ZFHX3: variants seen among roughly 807,000 people sequenced by gnomAD.
ZFHX3 encodes zinc finger homeobox protein 3.
ZFHX3 carries 42 observed loss-of-function variants against 279.1 expected under a neutral mutation model. The ratio of observed to expected loss-of-function variants is 0.15; its 90% CI spans 0.12 to 0.19. ZFHX3 has a LOEUF of 0.19. ZFHX3 is among the 10% of genes least tolerant of loss of function. The pLI is 1.00. For synonymous variants in ZFHX3, 2,293 were observed against 1,957.8 expected, an observed-to-expected ratio of 1.17 and a Z score of -4.52; for missense variants, 4,981 against 4,754.0, an observed-to-expected ratio of 1.05 and a Z score of -1.40.
At chr16:73,690,875 C>T (rs2053143406) in intron 1 of ZFHX3, among the ~76,000 whole-genome samples, 1 of 152,202 alleles carries the variant, frequency 6.6e-6, no homozygotes, top group African/African-American at 2.4e-5. Context: ...ACCAATAGCA[C>T]TGCCCAGACA....
At chr16:73,500,558 C>T (rs2019218278) in intron 2 of ZFHX3, among the ~76,000 whole-genome samples, 1 of 151,668 alleles carries the variant, frequency 6.6e-6, no homozygotes, top group Non-Finnish European at 1.5e-5. Flanking sequence ...AACTCCTGGG[C>T]TCAAGTAATC....
rs564422019 is a variant in ZFHX3, at chr16:73,187,141, G to T, written c.-1103-43310C>A. Among the ~76,000 whole-genome samples the T allele has an allele frequency of 1.8e-4, 17 of 91,896 alleles. No individual in the cohort carries two copies. In the East Asian group the frequency reaches 4.3e-3, roughly 23 times the overall value. The allele number at this position is 91,896 out of a possible 152,430, so 60.3% of individuals were successfully genotyped here. On this transcript the variant is annotated intron_variant, in intron 5 of 17. Transcript: ENST00000641206. ...AGGCGGGGGGATGGACAAGTTGTATGTCTCACACACACACACACACACACA... is the reference window on the plus strand; with the variant it reads ...AGGCGGGGGGATGGACAAGTTGTATTTCTCACACACACACACACACACACA...
chr16:73,220,697 G>A (rs1475336360), intron 5 of ZFHX3, among the ~76,000 whole-genome samples: 1 of 152,144 alleles, frequency 6.6e-6, no homozygotes, highest in Admixed American at 6.6e-5. Flanking sequence ...TATGTACCCT[G>A]CACTTTGCTT....
intron 2 of ZFHX3, among the ~76,000 whole-genome samples, chr16:73,622,565 A>AAAAGAAAG (rs143963139): frequency 8.9e-4 from 134 of 151,404 alleles, no homozygotes; most frequent in African/African-American, 3.1e-3. Flanking sequence ...CTGTCTCCAA[A>AAAAGAAAG]AAAGAAAGAA....
chr16:73,364,272 C>T (rs1424101), intron 3 of ZFHX3, among the ~76,000 whole-genome samples: 140 of 151,272 alleles, frequency 9.3e-4, no homozygotes, highest in African/African-American at 3.2e-3. Flanking sequence ...TATTTTCTTG[C>T]CTGTGATTTG....
intron 2 of ZFHX3, among the ~76,000 whole-genome samples, chr16:73,677,677 A>G (rs1413972420): frequency 6.6e-6 from 1 of 152,012 alleles, no homozygotes; most frequent in Non-Finnish European, 1.5e-5. Context: ...TGATATTTCA[A>G]CAGGAAAATA....
intron 4 of ZFHX3, among the ~76,000 whole-genome samples, chr16:73,292,947 A>G (rs2014811010): frequency 6.6e-6 from 1 of 152,268 alleles, no homozygotes. Flanking sequence ...GTTTTGGAAG[A>G]AGCCAAGTCA....
intron 3 of ZFHX3, among the ~76,000 whole-genome samples, chr16:72,931,128 T>G (rs1959773622): frequency 6.6e-6 from 1 of 152,106 alleles, no homozygotes; most frequent in Non-Finnish European, 1.5e-5. Context: ...CAAAACTCAG[T>G]CCTCCTAGTA....
intron 3 of ZFHX3, among the ~76,000 whole-genome samples, chr16:73,403,052 A>T (rs1231680151): frequency 6.6e-6 from 1 of 152,158 alleles, no homozygotes; most frequent in East Asian, 1.9e-4. Context: ...ACGTGTGTGC[A>T]TGTGTACACG....
At chr16:72,873,773 A>T (rs768834809) in intron 4 of ZFHX3, among the ~76,000 whole-genome samples, 12 of 152,182 alleles carry the variant, frequency 7.9e-5, no homozygotes, top group South Asian at 2.1e-4. Context: ...TGACAATTAT[A>T]TGTGTTTTTG....
chr16:73,342,282 C>T (rs918210760), intron 3 of ZFHX3, among the ~76,000 whole-genome samples: 2 of 152,128 alleles, frequency 1.3e-5, no homozygotes, highest in African/African-American at 2.4e-5. Flanking sequence ...CGTATTTGTA[C>T]ACCTAGTGAC....
At chr16:73,069,865 TA>T (rs1298350235) in intron 8 of ZFHX3, among the ~76,000 whole-genome samples, 1 of 152,254 alleles carries the variant, frequency 6.6e-6, no homozygotes, top group Non-Finnish European at 1.5e-5. Flanking sequence ...AAGAGTGATC[TA>T]AATGAGATAT....
chr16:72,909,877 C>CAAAAAAAA (rs66982395), intron 3 of ZFHX3, among the ~76,000 whole-genome samples: 1 of 82,320 alleles, frequency 1.2e-5, no homozygotes, highest in Admixed American at 1.5e-4. Flanking sequence ...CACCGTGTCT[C>CAAAAAAAA]AAAAAAAAAA....
intron 2 of ZFHX3, among the ~76,000 whole-genome samples, chr16:73,577,724 TC>T (rs2051815439): frequency 1.3e-5 from 2 of 152,218 alleles, no homozygotes; most frequent in African/African-American, 4.8e-5. Flanking sequence ...GAAGGAAAAA[TC>T]TAAATTTTTT....
At chr16:73,802,621 G>T (rs79504800) in intron 1 of ZFHX3, among the ~76,000 whole-genome samples, 1 of 152,154 alleles carries the variant, frequency 6.6e-6, no homozygotes, top group African/African-American at 2.4e-5. Context: ...GACAGTACTA[G>T]ACTTGAATGT....
intron 1 of ZFHX3, among the ~76,000 whole-genome samples, chr16:73,717,116 G>A (rs531389241): frequency 4.6e-5 from 7 of 152,200 alleles, no homozygotes; most frequent in African/African-American, 1.7e-4. Context: ...GATGTAGTTG[G>A]GACCTACCTG....
intron 8 of ZFHX3, among the ~76,000 whole-genome samples, chr16:73,082,162 G>C (rs1026622216): frequency 6.6e-6 from 1 of 151,870 alleles, no homozygotes; most frequent in Non-Finnish European, 1.5e-5. Flanking sequence ...ATTCAACTAC[G>C]AGATAAGGAG....
chr16:73,011,522 C>A (rs1963917339), intron 1 of ZFHX3, among the ~76,000 whole-genome samples: 2 of 151,966 alleles, frequency 1.3e-5, no homozygotes, highest in African/African-American at 4.8e-5. Flanking sequence ...GTGGGCAGAT[C>A]ACGAGGTCAA....
chr16:73,548,787 G>A (rs549738470), intron 2 of ZFHX3, among the ~76,000 whole-genome samples: 1 of 152,106 alleles, frequency 6.6e-6, no homozygotes, highest in Non-Finnish European at 1.5e-5. Context: ...AATAAAATGT[G>A]CCTTTGAATT....
Sources: gnomAD v4.1 joint callset for allele counts (sites outside exome capture counted in the v4.1 genomes callset) on GRCh38, gnomAD v4.1.1 for gene constraint, MANE v1.5 for transcripts, NCBI Gene and HGNC (gene_info 2026-07-23, HGNC 2026-07-21) for gene names.